The following MTHFD1 variants were observed in gnomAD, a reference collection of about 807,000 sequenced individuals.
The protein encoded by MTHFD1 is C-1-tetrahydrofolate synthase, cytoplasmic.
A neutral mutation model predicts 110.3 loss-of-function variants in MTHFD1; 44 were observed. That is an observed-to-expected ratio of 0.40 (90% CI 0.31 to 0.51). MTHFD1 has a LOEUF of 0.51. MTHFD1 is among the 20% of genes least tolerant of loss of function. The pLI is 0.60. For synonymous variants in MTHFD1, 402 were observed against 428.8 expected, an observed-to-expected ratio of 0.94 and a Z score of 0.77; for missense variants, 909 against 1,173.1, an observed-to-expected ratio of 0.77 and a Z score of 3.29.
At chr14:64,404,752 C>T (rs1338887341) in intron 2 of MTHFD1, among the ~76,000 whole-genome samples, 1 of 152,160 alleles carries the variant, frequency 6.6e-6, no homozygotes, top group African/African-American at 2.4e-5. Flanking sequence ...GGGTAGATCA[C>T]TTAAGGTCAG....
chr14:64,404,108 A>G (rs182842621), intron 2 of MTHFD1, among the ~76,000 whole-genome samples: 23 of 152,336 alleles, frequency 1.5e-4, no homozygotes, highest in African/African-American at 5.3e-4. Flanking sequence ...GCCCTCATAA[A>G]TCTTTGAAAA....
chr14:64,436,196 G>A (rs943680898), intron 16 of MTHFD1, among the ~76,000 whole-genome samples: 5 of 151,876 alleles, frequency 3.3e-5, no homozygotes, highest in African/African-American at 1.2e-4. Flanking sequence ...CCAGGTTCAC[G>A]CCATTCTCCT....
At chr14:64,440,089 CAAA>C in intron 17 of MTHFD1, 34 bp from the exon 18 acceptor site, 18 of 1,599,570 alleles carry the variant, frequency 1.1e-5, no homozygotes, top group Non-Finnish European at 1.5e-5. Flanking sequence ...TGGTTTAACA[CAAA>C]GTTTTTGCTA....
intron 21 of MTHFD1, 145 bp from the exon 22 acceptor site, chr14:64,444,548 T>C (rs1209470001): frequency 1.4e-5 from 12 of 866,956 alleles, no homozygotes; most frequent in Admixed American, 8.1e-5. Flanking sequence ...TCACATACCC[T>C]AAGTCCTTAG....
intron 3 of MTHFD1, 52 bp from the exon 4 acceptor site, chr14:64,412,420 C>A: frequency 1.5e-6 from 2 of 1,329,186 alleles, no homozygotes; most frequent in South Asian, 1.2e-5. Context: ...AGAAATGGTT[C>A]AATATCTCAA....
chr14:64,403,062 T>C (rs1257808961), intron 2 of MTHFD1, among the ~76,000 whole-genome samples: 1 of 152,146 alleles, frequency 6.6e-6, no homozygotes, highest in Non-Finnish European at 1.5e-5. Context: ...CAGGCTCAAG[T>C]GATCCTCCCA....
In MTHFD1 at chr14:64,454,551, T is replaced by A. The variant is rs547403830; in HGVS notation, c.2566-172T>A. 5.9e-5 allele frequency among the ~76,000 whole-genome samples: 9 copies of A among 152,198 alleles called. No homozygotes were observed. The South Asian group carries it at 1.9e-3, about 32-fold the overall frequency. On this transcript the variant is annotated intron_variant, in intron 25 of 27. Transcript: ENST00000652337. Reference sequence around the variant, plus strand: ...AACTCCCTCACCCAACAGTTCTTTTTTTTTTTTTTTGGCTTAATAAATAAG... The same window carrying A: ...AACTCCCTCACCCAACAGTTCTTTTATTTTTTTTTTGGCTTAATAAATAAG...
At chr14:64,397,176 TATATATATATATATAA>T (rs1318054072) in intron 1 of MTHFD1, among the ~76,000 whole-genome samples, 2,691 of 17,682 alleles carry the variant, frequency 0.15, 492 homozygotes, top group Non-Finnish European at 0.17. Context: ...TATATATATA[TATATATATATATATAA>T]AAAACAGTAA....
At chr14:64,400,645 G>A in intron 1 of MTHFD1, 148 bp from the exon 2 acceptor site, 2 of 667,308 alleles carry the variant, frequency 3.0e-6, no homozygotes, top group Non-Finnish European at 5.5e-6. Flanking sequence ...CTTTGATTGT[G>A]CCACTGTACT....
rs78037528 is a variant in MTHFD1 at position 64,420,055 on chromosome 14, C to T, written c.727+130C>T. 3.2e-3 allele frequency: 2,385 copies of T among 748,986 alleles called. 9 individuals are homozygous for T. Among genetic ancestry groups the T allele is most frequent in the Non-Finnish European group, 4.7e-3 (1,974 of 420,478 alleles). The allele number at this position is 748,986 out of a possible 1,614,324, so 46.4% of individuals were successfully genotyped here. A position where few individuals can be genotyped will look rare whatever the true frequency, so the allele number is the denominator to read the frequency against. ...ACTAAGGTTTAGGAGACTGACTAGCCCAAGGGTGCACAGAGTTAGTAGATA... is the reference window on the plus strand; with the variant it reads ...ACTAAGGTTTAGGAGACTGACTAGCTCAAGGGTGCACAGAGTTAGTAGATA... On this transcript the variant is annotated intron_variant, in intron 8 of 27. Coordinates refer to ENST00000652337, the MANE Select transcript of MTHFD1 (RefSeq NM_005956.4).
At chr14:64,398,247 C>T (rs2077872517) in intron 1 of MTHFD1, among the ~76,000 whole-genome samples, 1 of 152,112 alleles carries the variant, frequency 6.6e-6, no homozygotes, top group Non-Finnish European at 1.5e-5. Flanking sequence ...AAGTCACTAA[C>T]TAGAAATAAA....
chr14:64,404,422 G>C (rs1439054387), intron 2 of MTHFD1, among the ~76,000 whole-genome samples: 1 of 152,088 alleles, frequency 6.6e-6, no homozygotes. Flanking sequence ...CCAAATTTAG[G>C]TCTCTATCCA....
At chr14:64,419,004 GTGCCACCA>G (rs1023073751) in intron 7 of MTHFD1, among the ~76,000 whole-genome samples, 1 of 152,216 alleles carries the variant, frequency 6.6e-6, no homozygotes, top group East Asian at 1.9e-4. Flanking sequence ...CTACAGGCAT[GTGCCACCA>G]TGCCTGGCTA....
chr14:64,391,150 TTTTCTTTTCTTTC>T (rs1303903712), intron 1 of MTHFD1, among the ~76,000 whole-genome samples: 1 of 152,012 alleles, frequency 6.6e-6, no homozygotes, highest in Non-Finnish European at 1.5e-5. Context: ...AAGCTTTTCT[TTTTCTTTTCTTTC>T]TTTCTTTCTT....
At chr14:64,410,661 C>A (rs374938821) in intron 2 of MTHFD1, among the ~76,000 whole-genome samples, 1 of 152,108 alleles carries the variant, frequency 6.6e-6, no homozygotes, top group Non-Finnish European at 1.5e-5. Context: ...ATTGCCCCTG[C>A]GGGTGGGGGA....
At chr14:64,396,991 G>T (rs2077854490) in intron 1 of MTHFD1, among the ~76,000 whole-genome samples, 1 of 143,292 alleles carries the variant, frequency 7.0e-6, no homozygotes, top group African/African-American at 2.6e-5. Flanking sequence ...TGTAGTCCCA[G>T]CTACTTGGGA....
At chr14:64,393,973 T>G (rs976064865) in intron 1 of MTHFD1, among the ~76,000 whole-genome samples, 3 of 152,100 alleles carry the variant, frequency 2.0e-5, no homozygotes, top group African/African-American at 7.2e-5. Context: ...AACTGTCTAC[T>G]TCCTGACGTT....
chr14:64,446,911 A>G (rs182005339), intron 22 of MTHFD1, among the ~76,000 whole-genome samples: 40 of 152,142 alleles, frequency 2.6e-4, no homozygotes, highest in African/African-American at 9.2e-4. Flanking sequence ...AGGCGTGATC[A>G]TAGCTGCAGC....
intron 19 of MTHFD1, 147 bp from the exon 20 acceptor site, chr14:64,441,907 G>A (rs566000094): frequency 1.1e-4 from 74 of 703,842 alleles, no homozygotes; most frequent in African/African-American, 9.3e-4. Context: ...TGACTGGGAC[G>A]TTACTGAAAT....
Sources: gnomAD v4.1 joint callset for allele counts (sites outside exome capture counted in the v4.1 genomes callset) on GRCh38, gnomAD v4.1.1 for gene constraint, MANE v1.5 for transcripts, NCBI Gene and HGNC (gene_info 2026-07-23, HGNC 2026-07-21) for gene names.